TANC2: variants seen among roughly 807,000 people sequenced by gnomAD.
TANC2 encodes protein TANC2.
In TANC2, 26 loss-of-function variants were observed where a neutral mutation model predicts 210.5. The ratio of observed to expected loss-of-function variants is 0.12; its 90% CI spans 0.09 to 0.17. TANC2 has a LOEUF of 0.17. Ranked by LOEUF, TANC2 falls within the 10% of genes least tolerant of loss-of-function variation. The pLI is 1.00. For missense variants in TANC2, 2,129 were observed against 2,608.9 expected (o/e 0.82, Z 4.01); for synonymous variants, 931 against 967.1 (o/e 0.96, Z 0.69).
chr17:63,184,692 C>T (rs1249572661), intron 5 of TANC2, among the ~76,000 whole-genome samples: 3 of 145,670 alleles, frequency 2.1e-5, no homozygotes, highest in African/African-American at 7.6e-5. Flanking sequence ...CTTGCTCTGT[C>T]GCCCATGCTG....
At chr17:63,396,232 G>A (rs1049248077) in intron 18 of TANC2, 8 of 303,964 alleles carry the variant, frequency 2.6e-5, no homozygotes, top group Non-Finnish European at 4.3e-5. Flanking sequence ...AATTATTGAG[G>A]TGTAGTCACA....
intron 1 of TANC2, among the ~76,000 whole-genome samples, chr17:63,003,899 G>GT (rs889093473): frequency 2.6e-4 from 39 of 151,292 alleles, no homozygotes; most frequent in African/African-American, 9.5e-4. Flanking sequence ...TAATTTGTTT[G>GT]TTTTTTTTCA....
chr17:63,018,170 T>G (rs2034190326), intron 2 of TANC2, among the ~76,000 whole-genome samples: 1 of 151,816 alleles, frequency 6.6e-6, no homozygotes, highest in Non-Finnish European at 1.5e-5. Context: ...AACGTTTTAC[T>G]TTAAAATAAT....
intron 7 of TANC2, among the ~76,000 whole-genome samples, chr17:63,206,008 C>T (rs1272576193): frequency 1.3e-5 from 2 of 152,114 alleles, no homozygotes; most frequent in Non-Finnish European, 2.9e-5. Context: ...TACAACTCAA[C>T]AACAACAAAC....
chr17:63,108,314 G>A (rs1393829995), intron 4 of TANC2, among the ~76,000 whole-genome samples: 1 of 151,760 alleles, frequency 6.6e-6, no homozygotes, highest in African/African-American at 2.4e-5. Context: ...AAGTGTTTGA[G>A]GTGATGGATA....
intron 4 of TANC2, among the ~76,000 whole-genome samples, chr17:63,139,020 T>C (rs1312140344): frequency 2.6e-5 from 4 of 152,202 alleles, no homozygotes; most frequent in Non-Finnish European, 1.5e-5. Context: ...GAGAACTGGA[T>C]TGGCCCTTCT....
chr17:62,995,178 G>A (rs1451330738), intron 1 of TANC2, among the ~76,000 whole-genome samples: 1 of 151,982 alleles, frequency 6.6e-6, no homozygotes, highest in Non-Finnish European at 1.5e-5. Context: ...TTCTTTTCAA[G>A]ACCTTTTATA....
At chr17:63,281,337 G>A (rs757555547) in intron 9 of TANC2, among the ~76,000 whole-genome samples, 26 of 152,192 alleles carry the variant, frequency 1.7e-4, no homozygotes, top group Non-Finnish European at 2.9e-4. Flanking sequence ...AGTTAGCAAG[G>A]AATTTCTAAA....
chr17:63,077,358 G>T (rs963129813), intron 3 of TANC2, among the ~76,000 whole-genome samples: 1 of 152,064 alleles, frequency 6.6e-6, no homozygotes, highest in East Asian at 1.9e-4. Context: ...GAATCTGTTG[G>T]AGGATGTGAT....
At chr17:63,335,578 A>G (rs970912326) in intron 11 of TANC2, among the ~76,000 whole-genome samples, 1 of 151,344 alleles carries the variant, frequency 6.6e-6, no homozygotes, top group African/African-American at 2.4e-5. Flanking sequence ...GCACCATTGC[A>G]CTCTAGCCCA....
intron 14 of TANC2, among the ~76,000 whole-genome samples, chr17:63,362,348 C>T (rs941384486): frequency 6.6e-5 from 10 of 152,214 alleles, no homozygotes; most frequent in African/African-American, 2.4e-4. Flanking sequence ...TAAGTTCTCA[C>T]TCAGGGCCAT....
rs1052814092 is a variant in TANC2, at chr17:63,355,256, G to A, written c.2448G>A (p.Gln816=). The A allele has an allele frequency of 2.5e-6, 4 of 1,613,432 alleles. No homozygotes were observed. The African/African-American group carries it at 4.0e-5, about 16-fold the overall frequency. The change falls in exon 14 of 28, where the codon CAG becomes CAA. Residue 816 remains glutamine, a synonymous_variant. Coordinates refer to ENST00000689528, the Ensembl canonical transcript of TANC2. ...GCACACTAGAATGGGAGGATTTTCA[G>A]CAGAGAATGGAGAACCTCTCCATGT...
At chr17:63,174,593 G>A (rs1353459805) in intron 5 of TANC2, among the ~76,000 whole-genome samples, 3 of 152,086 alleles carry the variant, frequency 2.0e-5, no homozygotes, top group Non-Finnish European at 4.4e-5. Flanking sequence ...TAAAGCCCCT[G>A]GTAACCTGCT....
intron 1 of TANC2, among the ~76,000 whole-genome samples, chr17:62,979,423 C>T (rs1276961296): frequency 6.6e-6 from 1 of 152,124 alleles, no homozygotes; most frequent in Non-Finnish European, 1.5e-5. Flanking sequence ...CCTTCATTGT[C>T]TGTAGGGATA....
At chr17:63,156,972 T>C (rs1309990214) in intron 5 of TANC2, among the ~76,000 whole-genome samples, 1 of 152,236 alleles carries the variant, frequency 6.6e-6, no homozygotes, top group Non-Finnish European at 1.5e-5. Flanking sequence ...GCTGAGATTA[T>C]AGGCGTGAGC....
chr17:63,122,041 C>T, intron 4 of TANC2, among the ~76,000 whole-genome samples: 1 of 151,870 alleles, frequency 6.6e-6, no homozygotes, highest in Non-Finnish European at 1.5e-5. Context: ...AATCAAGAGG[C>T]AAGGATGAAA....
At chr17:63,416,835 G>A (rs2048876642) in intron 26 of TANC2, among the ~76,000 whole-genome samples, 1 of 152,216 alleles carries the variant, frequency 6.6e-6, no homozygotes, top group Non-Finnish European at 1.5e-5. Context: ...CCAACCCCGG[G>A]AAGGGAGAAG....
intron 9 of TANC2, among the ~76,000 whole-genome samples, chr17:63,298,695 T>A (rs1354577524): frequency 6.6e-6 from 1 of 152,164 alleles, no homozygotes; most frequent in East Asian, 1.9e-4. Flanking sequence ...ACCTTGATTT[T>A]AAAAAACTTA....
intron 9 of TANC2, among the ~76,000 whole-genome samples, chr17:63,306,185 G>C (rs1053803325): frequency 5.9e-5 from 9 of 152,346 alleles, no homozygotes; most frequent in Admixed American, 1.3e-4. Context: ...GGTGGGAGCA[G>C]TTGGAAACGA....
Sources: gnomAD v4.1 joint callset for allele counts (sites outside exome capture counted in the v4.1 genomes callset) on GRCh38, gnomAD v4.1.1 for gene constraint, MANE v1.5 for transcripts, NCBI Gene and HGNC (gene_info 2026-07-23, HGNC 2026-07-21) for gene names.